Variants in PLEKHG7 observed in about 807,000 individuals in gnomAD.
The protein encoded by PLEKHG7 is pleckstrin homology and RhoGEF domain containing G7.
Under a neutral mutation model 85.2 loss-of-function variants are expected in PLEKHG7, and 77 were observed. The observed-to-expected ratio is 0.90, with a 90% CI of 0.75 to 1.09. PLEKHG7 has a LOEUF of 1.09. Ranked by LOEUF, PLEKHG7 falls within the 50% of genes least tolerant of loss-of-function variation. The probability of loss-of-function intolerance (pLI) is 0.00; values close to 1 mark genes in which losing one functional copy is unlikely to be tolerated. For missense variants in PLEKHG7, 777 were observed against 804.3 expected, an observed-to-expected ratio of 0.97 and a Z score of 0.41; for synonymous variants, 301 against 302.4, an observed-to-expected ratio of 1.00 and a Z score of 0.05.
Position 92,769,006 on chromosome 12 carries a change from C to T in PLEKHG7, c.1894C>T (p.Leu632Phe), listed in dbSNP as rs760344580. 33 of 1,599,264 alleles carry T rather than the reference C, an allele frequency of 2.1e-5. No individual in the cohort carries two copies. The highest frequency in any genetic ancestry group is 5.1e-5 in the Admixed American group (3 of 59,100). The change falls in exon 16 of 17, where the codon CTT (leucine) becomes TTT (phenylalanine). Residue 632 changes from leucine to phenylalanine, a missense_variant. Coordinates refer to ENST00000344636, the MANE Select transcript of PLEKHG7 (RefSeq NM_001377329.1). Reference protein sequence around the residue: ...VSVFGLRNAFLIQHENRYRQC... With the variant: ...VSVFGLRNAFFIQHENRYRQC... ...AGTCTTTGGGCTGAGAAATGCTTTT[C>T]TTATACAACACGAAAACAGATATCG...
chr12:92,755,804 T>G (rs200756442), intron 11 of PLEKHG7, 21 bp from the exon 12 acceptor site: 1 of 1,496,474 alleles, frequency 6.7e-7, no homozygotes, highest in East Asian at 2.3e-5. Context: ...AAAAATATAC[T>G]GACTATGTCA....
chr12:92,703,891 C>T (rs1484567012), intron 1 of PLEKHG7, among the ~76,000 whole-genome samples: 2 of 152,200 alleles, frequency 1.3e-5, no homozygotes, highest in Admixed American at 6.5e-5. Context: ...AACCCAAAGC[C>T]GTATCCTAAC....
At chr12:92,704,995 C>T (rs2136564983) in intron 1 of PLEKHG7, among the ~76,000 whole-genome samples, 1 of 152,198 alleles carries the variant, frequency 6.6e-6, no homozygotes, top group East Asian at 1.9e-4. Context: ...AGCTCCTCCT[C>T]TACTGATAGG....
Position 92,761,629 on chromosome 12 carries a change from AGAAAGAAAGAAAG to A in PLEKHG7, c.1637-122_1637-110del, listed in dbSNP as rs1873010390. 8.2e-5 allele frequency: 10 copies of A among 122,426 alleles called. No individual in the cohort carries two copies. The South Asian group carries it at 2.0e-3, about 25-fold the overall frequency. 7.6% of individuals were successfully genotyped at this position (122,426 alleles called of 1,614,324 possible). A position where few individuals can be genotyped will look rare whatever the true frequency, so the allele number is the denominator to read the frequency against. On this transcript the variant is annotated intron_variant, in intron 13 of 16. Coordinates refer to ENST00000344636, the MANE Select transcript of PLEKHG7 (RefSeq NM_001377329.1). Reference sequence around the variant, plus strand: ...AGAAAAAGAAAGAAAGAAAGAAGAAAGAAAGAAAGAAAGAAAGAAAGAAAGAAAGAAAGAAAGA... The same window carrying A: ...AGAAAAAGAAAGAAAGAAAGAAGAAAAAAGAAAGAAAGAAAGAAAGAAAGA...
intron 4 of PLEKHG7, among the ~76,000 whole-genome samples, chr12:92,729,565 AGATGAGTGTCT>A (rs1871923840): frequency 6.6e-6 from 1 of 151,920 alleles, no homozygotes; most frequent in Non-Finnish European, 1.5e-5. Context: ...TGCCGGTGGC[AGATGAGTGTCT>A]GATAGACAGG....
chr12:92,707,392 AGGCCAGGCT>A (rs1436057940), intron 2 of PLEKHG7: 9 of 1,428,292 alleles, frequency 6.3e-6, no homozygotes, highest in Middle Eastern at 2.6e-4. Flanking sequence ...GGATGCACCA[AGGCCAGGCT>A]TACCGATGGT....
chr12:92,716,071 T>C (rs1871481752), intron 3 of PLEKHG7, among the ~76,000 whole-genome samples: 1 of 151,492 alleles, frequency 6.6e-6, no homozygotes, highest in Admixed American at 6.6e-5. Context: ...ATTACAGTGG[T>C]TTTGGGGTTT....
intron 8 of PLEKHG7, 128 bp downstream of exon 8, chr12:92,741,076 G>C: frequency 1.7e-6 from 1 of 594,974 alleles, no homozygotes; most frequent in African/African-American, 1.9e-5. Context: ...AGGACTTCAG[G>C]TTAATAAGAA....
chr12:92,711,476 G>A (rs2136572146), intron 3 of PLEKHG7, among the ~76,000 whole-genome samples: 1 of 152,296 alleles, frequency 6.6e-6, no homozygotes, highest in South Asian at 2.1e-4. Context: ...ATGATGAAAT[G>A]CTGCTATGCA....
chr12:92,749,926 A>AT (rs1171322619), intron 10 of PLEKHG7, among the ~76,000 whole-genome samples: 21 of 105,228 alleles, frequency 2.0e-4, no homozygotes, highest in Admixed American at 6.3e-4. Context: ...ATTTTATTTT[A>AT]TTTATTTTAT....
chr12:92,712,573 C>A (rs1871385215), intron 3 of PLEKHG7, among the ~76,000 whole-genome samples: 1 of 152,228 alleles, frequency 6.6e-6, no homozygotes, highest in Admixed American at 6.5e-5. Context: ...GTGGGAATCA[C>A]CACCCCTGCG....
At chr12:92,739,527 T>C (rs1018207837) in intron 7 of PLEKHG7, among the ~76,000 whole-genome samples, 1 of 152,234 alleles carries the variant, frequency 6.6e-6, no homozygotes, top group Non-Finnish European at 1.5e-5. Flanking sequence ...TATCCCACTG[T>C]AAGCTGTCCA....
intron 3 of PLEKHG7, among the ~76,000 whole-genome samples, chr12:92,728,020 T>C (rs188141008): frequency 4.6e-5 from 6 of 129,832 alleles, no homozygotes; most frequent in African/African-American, 1.8e-4. Flanking sequence ...TATATAAATA[T>C]ATATACACAC....
rs145492011 is a variant in PLEKHG7, at chr12:92,755,041, G to A, written c.1426+777G>A. ...AAATTATCTGAAGAGCTGGAATTAAGTTTATCAAGCAAGTAAGACAAAGAA... is the reference window on the plus strand; with the variant it reads ...AAATTATCTGAAGAGCTGGAATTAAATTTATCAAGCAAGTAAGACAAAGAA... On this transcript the variant is annotated intron_variant, in intron 11 of 16. Transcript: ENST00000344636. 1.8e-4 allele frequency among the ~76,000 whole-genome samples: 28 copies of A among 152,200 alleles called. No individual in the cohort carries two copies. In the East Asian group the frequency reaches 5.4e-3, roughly 29 times the overall value.
chr12:92,751,000 A>C (rs987670584), intron 10 of PLEKHG7, among the ~76,000 whole-genome samples: 1 of 152,186 alleles, frequency 6.6e-6, no homozygotes, highest in Non-Finnish European at 1.5e-5. Flanking sequence ...TCCCATTAAT[A>C]TACATCAAGA....
intron 3 of PLEKHG7, among the ~76,000 whole-genome samples, chr12:92,714,618 A>G (rs563612077): frequency 1.3e-5 from 2 of 152,356 alleles, no homozygotes; most frequent in Admixed American, 6.5e-5. Context: ...TTCTGAAGCC[A>G]GGAGTTAGAA....
chr12:92,761,646 GAAA>G (rs1873021991), intron 13 of PLEKHG7, 103 bp from the exon 14 acceptor site: 5 of 1,044,818 alleles, frequency 4.8e-6, no homozygotes, highest in African/African-American at 1.8e-5. Context: ...AAGAAAGAAA[GAAA>G]GAAAGAAAGA....
intron 3 of PLEKHG7, among the ~76,000 whole-genome samples, chr12:92,724,339 A>G (rs140368864): frequency 6.6e-6 from 1 of 152,318 alleles, no homozygotes; most frequent in Non-Finnish European, 1.5e-5. Context: ...TATAACTATC[A>G]TTGACATGGA....
chr12:92,741,411 T>C (rs1872351000), intron 8 of PLEKHG7, 80 bp from the exon 9 acceptor site: 3 of 845,658 alleles, frequency 3.5e-6, no homozygotes, highest in East Asian at 2.6e-5. Flanking sequence ...CCTGTAAGAA[T>C]GATACTTGAA....
Sources: gnomAD v4.1 joint callset for allele counts (sites outside exome capture counted in the v4.1 genomes callset) on GRCh38, gnomAD v4.1.1 for gene constraint, MANE v1.5 for transcripts, NCBI Gene and HGNC (gene_info 2026-07-23, HGNC 2026-07-21) for gene names.